Variants in MPP7 observed in about 807,000 individuals in gnomAD.
The protein encoded by MPP7 is MAGUK p55 scaffold protein 7, also known as MAGUK p55 subfamily member 7.
Under a neutral mutation model 76.5 loss-of-function variants are expected in MPP7, and 60 were observed. That is an observed-to-expected ratio of 0.78 (90% CI 0.64 to 0.97). MPP7 has a LOEUF of 0.97. Ranked by LOEUF, MPP7 falls within the 50% of genes least tolerant of loss-of-function variation. MPP7 has a pLI of 0.00. For missense variants in MPP7, 641 were observed against 694.0 expected, an observed-to-expected ratio of 0.92 and a Z score of 0.86; for synonymous variants, 237 against 244.5, an observed-to-expected ratio of 0.97 and a Z score of 0.29.
At chr10:28,261,640 T>C (rs1469693303) in intron 1 of MPP7, among the ~76,000 whole-genome samples, 1 of 151,850 alleles carries the variant, frequency 6.6e-6, no homozygotes, top group Non-Finnish European at 1.5e-5. Context: ...CCAATGACAA[T>C]GACGTAGAAC....
At chr10:28,198,130 C>A (rs1337265741) in intron 3 of MPP7, among the ~76,000 whole-genome samples, 1 of 152,066 alleles carries the variant, frequency 6.6e-6, no homozygotes, top group African/African-American at 2.4e-5. Context: ...CTCCTGTTCC[C>A]AAATATACAC....
intron 2 of MPP7, among the ~76,000 whole-genome samples, chr10:28,208,588 G>A (rs1459831732): frequency 6.8e-6 from 1 of 147,158 alleles, no homozygotes. Context: ...AAAGGAGAAA[G>A]AAAAAGCAAA....
At chr10:28,235,796 T>C (rs1355593652) in intron 2 of MPP7, among the ~76,000 whole-genome samples, 1 of 152,158 alleles carries the variant, frequency 6.6e-6, no homozygotes. Context: ...TTTTCAACTA[T>C]TATAGAAGAA....
intron 11 of MPP7, among the ~76,000 whole-genome samples, chr10:28,090,582 C>T (rs1242845448): frequency 6.6e-6 from 1 of 152,182 alleles, no homozygotes; most frequent in Non-Finnish European, 1.5e-5. Context: ...GTTTCTATTA[C>T]ATCCTAAGCA....
intron 3 of MPP7, among the ~76,000 whole-genome samples, chr10:28,160,593 CCA>C (rs1836226961): frequency 6.6e-6 from 1 of 152,182 alleles, no homozygotes; most frequent in Non-Finnish European, 1.5e-5. Flanking sequence ...CCCCAGGGGT[CCA>C]CAAGCCACAC....
intron 6 of MPP7, 32 bp from the exon 7 acceptor site, chr10:28,125,123 G>C: frequency 1.3e-6 from 2 of 1,537,712 alleles, no homozygotes; most frequent in Non-Finnish European, 1.8e-6. Flanking sequence ...GCATTTGTGG[G>C]TAAATGTGTG....
At chr10:28,145,167 C>A (rs1267507037) in intron 5 of MPP7, among the ~76,000 whole-genome samples, 1 of 152,172 alleles carries the variant, frequency 6.6e-6, no homozygotes, top group African/African-American at 2.4e-5. Flanking sequence ...CCCGTCACGG[C>A]CTCCCAAAGT....
At chr10:28,136,117 G>A (rs1212956989) in intron 5 of MPP7, among the ~76,000 whole-genome samples, 1 of 151,802 alleles carries the variant, frequency 6.6e-6, no homozygotes, top group East Asian at 1.9e-4. Flanking sequence ...TCTAATGCTT[G>A]ATGATCTGTC....
At position 28,051,625 on chromosome 10, in the gene MPP7, GGGAAGAAA is replaced by G. The variant is rs1425512416; in HGVS notation, c.*2432_*2439del. 4 of 152,102 alleles carry G rather than the reference GGGAAGAAA, an allele frequency of 2.6e-5. No homozygotes were observed. The highest frequency in any genetic ancestry group is 9.7e-5 in the African/African-American group (4 of 41,408). The allele number at this position is 152,102 out of a possible 1,614,324, so 9.4% of individuals were successfully genotyped here. A position where few individuals can be genotyped will look rare whatever the true frequency, so the allele number is the denominator to read the frequency against. On this transcript the variant is annotated 3_prime_UTR_variant, in exon 17 of 17. Coordinates refer to ENST00000683449, the MANE Select transcript of MPP7 (RefSeq NM_001318170.2). ...TCTCCTTGCTGGAGAAGGAGGCTGG[GGGAAGAAA>G]GTACAGAATTCAGGGCCTTTTTGCT...
At chr10:28,140,059 A>G (rs182801087) in intron 5 of MPP7, among the ~76,000 whole-genome samples, 133 of 152,374 alleles carry the variant, frequency 8.7e-4, no homozygotes, top group African/African-American at 3.0e-3. Flanking sequence ...AAAATGTATT[A>G]TAGACAATCA....
At chr10:28,168,057 T>C (rs980196138) in intron 3 of MPP7, among the ~76,000 whole-genome samples, 4 of 152,168 alleles carry the variant, frequency 2.6e-5, no homozygotes, top group Non-Finnish European at 5.9e-5. Flanking sequence ...GGCAACATGG[T>C]GAAACCCCGT....
intron 3 of MPP7, among the ~76,000 whole-genome samples, chr10:28,174,319 T>C (rs532715132): frequency 2.0e-5 from 3 of 152,312 alleles, no homozygotes; most frequent in Non-Finnish European, 4.4e-5. Flanking sequence ...GTGTGGGTCA[T>C]GCGGACAGAT....
chr10:28,094,771 TTATTAAG>T (rs1450002065), intron 11 of MPP7, among the ~76,000 whole-genome samples: 2 of 152,176 alleles, frequency 1.3e-5, no homozygotes, highest in Non-Finnish European at 2.9e-5. Flanking sequence ...CTAAAGTACC[TTATTAAG>T]TATTAAGACA....
chr10:28,268,201 G>A (rs11006973), intron 1 of MPP7, among the ~76,000 whole-genome samples: 3,480 of 152,238 alleles, frequency 0.023, 140 homozygotes, highest in African/African-American at 0.077. Context: ...ATCACTGTGG[G>A]GCAGGGAACC....
intron 1 of MPP7, among the ~76,000 whole-genome samples, chr10:28,277,363 CA>C (rs146764680): frequency 0.18 from 22,908 of 130,192 alleles, 2,340 homozygotes; most frequent in East Asian, 0.48. Flanking sequence ...AGCTGACGAG[CA>C]AAAAAAAAAA....
chr10:28,188,145 T>G (rs537877007), intron 3 of MPP7, among the ~76,000 whole-genome samples: 8 of 152,282 alleles, frequency 5.3e-5, no homozygotes, highest in African/African-American at 1.9e-4. Context: ...CTTTACGAAT[T>G]CATATTAATA....
chr10:28,065,470 CACA>C (rs1427405539), intron 13 of MPP7, among the ~76,000 whole-genome samples: 1 of 152,118 alleles, frequency 6.6e-6, no homozygotes, highest in African/African-American at 2.4e-5. Flanking sequence ...TGAACTCATT[CACA>C]ACAAGGAATA....
chr10:28,077,840 T>C (rs1852570421), intron 12 of MPP7, among the ~76,000 whole-genome samples: 1 of 152,238 alleles, frequency 6.6e-6, no homozygotes, highest in Admixed American at 6.5e-5. Flanking sequence ...AGCCCATCTT[T>C]AAATCATAGA....
At chr10:28,311,362 C>T (rs1017816491) in intron 2 of MPP7, among the ~76,000 whole-genome samples, 14 of 152,200 alleles carry the variant, frequency 9.2e-5, no homozygotes, top group African/African-American at 2.6e-4. Context: ...GGATTGCTAG[C>T]GACCTCATGA....
Sources: gnomAD v4.1 joint callset for allele counts (sites outside exome capture counted in the v4.1 genomes callset) on GRCh38, gnomAD v4.1.1 for gene constraint, MANE v1.5 for transcripts, NCBI Gene and HGNC (gene_info 2026-07-23, HGNC 2026-07-21) for gene names.